The following PDE6B variants were observed in gnomAD, a reference collection of about 807,000 sequenced individuals.
PDE6B encodes phosphodiesterase 6B.
PDE6B carries 106 observed loss-of-function variants against 109.0 expected under a neutral mutation model. The ratio of observed to expected loss-of-function variants is 0.97; its 90% confidence interval spans 0.83 to 1.14. The LOEUF (loss-of-function observed/expected upper bound fraction) is 1.14. Ranked by LOEUF, PDE6B falls within the 50% of genes most tolerant of loss-of-function variation. PDE6B has a pLI of 0.00. For missense variants in PDE6B, 1,193 were observed against 1,155.6 expected (o/e 1.03, Z -0.47); for synonymous variants, 490 against 471.3 (o/e 1.04, Z -0.51).
chr4:662,100 C>T lies in PDE6B; in HGVS notation c.1615-34C>T. ...CGCTCTGGCGGGACTTACACGCTTG[C>T]CGCCGGAGCCCTGTGTCCTCTCGGC... On this transcript the variant is annotated intron_variant, in intron 12 of 21. Transcript: ENST00000496514. This position sits in a 1 kb window ranked among gnomAD's most constrained non-coding sequence, Gnocchi z 4.3. 9.3e-7 allele frequency: 1 copy of T among 1,074,160 alleles called. No homozygotes were observed. The highest frequency in any genetic ancestry group is 1.4e-6 in the Non-Finnish European group (1 of 711,174). 66.5% of individuals were successfully genotyped at this position (1,074,160 alleles called of 1,614,324 possible).
In PDE6B at chr4:662,617, A is replaced by C. The variant is rs777215608; in HGVS notation, c.1831A>C (p.Lys611Gln). ...HRGTNNLYQM[K>Q]SQNPLAKLHG... The stretch of plus-strand genomic sequence containing the variant: ...CGGCACCAACAACCTGTACCAGATG[A>C]AGTAGGCACCTCAGGGCGGGCATGT... The change falls in exon 14 of 22, where the codon AAG becomes CAG. Residue 611 changes from lysine to glutamine, a missense_variant and splice_region_variant. Physicochemically the swap from Lys to Gln is moderately conservative, Grantham distance 53. Transcript: ENST00000496514. This position sits in a 1 kb window ranked among gnomAD's most constrained non-coding sequence, Gnocchi z 4.3. The C allele has an allele frequency of 6.3e-7, 1 of 1,582,604 alleles. No individual in the cohort carries two copies.
chr4:664,220 A>C lies in PDE6B; in HGVS notation c.2128A>C (p.Met710Leu), dbSNP rs367950333. ...SLETTRKEIVMAMMMTACDLS... is the reference protein window; with the variant it reads ...SLETTRKEIVLAMMMTACDLS... Reference sequence around the variant, plus strand: ...GGAGACGACCCGGAAGGAGATCGTCATGTGAGCGCGGGCGGAGGGGGCACG... The same window carrying C: ...GGAGACGACCCGGAAGGAGATCGTCCTGTGAGCGCGGGCGGAGGGGGCACG... The change falls in exon 17 of 22, where the codon ATG becomes CTG. Residue 710 changes from methionine to leucine, a missense_variant and splice_region_variant. Met to Leu is a conservative substitution (Grantham distance 15, BLOSUM62 2). Transcript: ENST00000496514. The C allele has an allele frequency of 1.3e-6, 2 of 1,569,414 alleles. No individual in the cohort carries two copies. Among genetic ancestry groups the C allele is most frequent in the Non-Finnish European group, 1.8e-6 (2 of 1,139,758 alleles).
At chr4:649,853 G>A (rs137974280) in intron 3 of PDE6B, among the ~76,000 whole-genome samples, 1,678 of 152,300 alleles carry the variant, frequency 0.011, 18 homozygotes, top group Middle Eastern at 0.037. Flanking sequence ...CATAAGTAAT[G>A]AGAGGGCCAT....
intron 1 of PDE6B, among the ~76,000 whole-genome samples, chr4:631,893 C>T (rs1273204668): frequency 6.8e-6 from 1 of 147,522 alleles, no homozygotes. Flanking sequence ...TCTGCTATCT[C>T]AGGGTCACAT....
chr4:634,914 T>G, intron 2 of PDE6B, 85 bp downstream of exon 2: 1 of 1,207,716 alleles, frequency 8.3e-7, no homozygotes, highest in Non-Finnish European at 1.2e-6. Context: ...CGCATCCACC[T>G]CTTTACCTGC....
At position 633,278 on chromosome 4, in the gene PDE6B, C is replaced by T. The variant is rs541842369; in HGVS notation, c.469-1399C>T. On this transcript the variant is annotated intron_variant, in intron 1 of 21. Transcript: ENST00000496514. This position sits in a 1 kb window ranked among gnomAD's most constrained non-coding sequence, Gnocchi z 4.5. ...AAAGGGATGCTGGCTCCACTGCCCA[C>T]GCTGCCACCCCTGCCAGGGCTCACT... is the stretch of plus-strand genomic sequence containing the variant. 1.3e-3 allele frequency among the ~76,000 whole-genome samples: 202 copies of T among 152,306 alleles called. 1 individual carries two copies. Among genetic ancestry groups the T allele is most frequent in the Non-Finnish European group, 2.5e-3 (170 of 68,024 alleles).
chr4:664,730 C>T, intron 17 of PDE6B, 151 bp from the exon 18 acceptor site: 6 of 735,696 alleles, frequency 8.2e-6, no homozygotes, highest in South Asian at 2.8e-5. Flanking sequence ...GCACAAGAAT[C>T]GGGAGGCGGA....
In PDE6B at chr4:626,001, C is replaced by G; in HGVS notation, c.375C>G (p.Pro125=). ...PDSVLEDCLV[P]PDSEIVFPLD... ...GCGTCCTGGAGGACTGCCTGGTGCC[C>G]CCCGACTCCGAGATCGTCTTCCCAC... The change falls in exon 1 of 22, where the codon CCC becomes CCG. Residue 125 remains proline (P), a synonymous_variant. Coordinates refer to ENST00000496514, the MANE Select transcript of PDE6B (RefSeq NM_000283.4). The surrounding 1 kb of genome is among the most constrained non-coding windows in gnomAD (Gnocchi z 4.6). 1 of 1,584,186 alleles carries G rather than the reference C, an allele frequency of 6.3e-7. No homozygotes were observed. The highest frequency in any genetic ancestry group is 8.6e-7 in the Non-Finnish European group (1 of 1,165,722).
rs192481524 is a variant in PDE6B at position 650,831 on chromosome 4, G to A, written c.712-3021G>A. On this transcript the variant is annotated intron_variant, in intron 3 of 21. Transcript: ENST00000496514. ...GGGCACAGAGGAATGCCCTGAGCCC[G>A]AGCCGGCAGCGAAAATCCACCCGCC... Among the ~76,000 whole-genome samples, 26 of 152,264 alleles carry A rather than the reference G, an allele frequency of 1.7e-4. No homozygotes were observed. In the East Asian group the frequency reaches 3.1e-3, roughly 18 times the overall value.
intron 21 of PDE6B, among the ~76,000 whole-genome samples, chr4:669,243 CTCCCACTACCCCATGCTAT>C (rs1738180343): frequency 5.3e-5 from 1 of 18,828 alleles, no homozygotes; most frequent in Non-Finnish European, 1.4e-4. Context: ...CCCTATGCTG[CTCCCACTACCCCATGCTAT>C]TCCCACTACT....
In PDE6B at chr4:657,346, T is replaced by C. The variant is rs1459208654; in HGVS notation, c.1258-5T>C. ...GAGCGCCAGTGACACTGCCATCCCC[T>C]CCAGTCCCTGACACAGTTCCTGGGC... is the stretch of plus-strand genomic sequence containing the variant. On this transcript the variant is annotated splice_polypyrimidine_tract_variant and splice_region_variant and intron_variant, in intron 9 of 21. Transcript: ENST00000496514. 1.2e-6 allele frequency: 2 copies of C among 1,612,670 alleles called. No individual in the cohort carries two copies. Among genetic ancestry groups the C allele is most frequent in the Non-Finnish European group, 1.7e-6 (2 of 1,179,812 alleles).
In PDE6B at chr4:646,694, A is replaced by G. The variant is rs556978241; in HGVS notation, c.712-7158A>G. On this transcript the variant is annotated intron_variant, in intron 3 of 21. Transcript: ENST00000496514. ...CCGGCCCCCTTCCTCAGACACGCGC[A>G]GCCTCCGGCCGGGCGGCGGCGCACT... Among the ~76,000 whole-genome samples the G allele has an allele frequency of 1.3e-4, 20 of 152,020 alleles. No homozygotes were observed. The South Asian group carries it at 3.1e-3, about 24-fold the overall frequency.
rs1003875883 is a variant in PDE6B, at chr4:660,466, G to A, written c.1468-1G>A. On this transcript the variant is annotated splice_acceptor_variant, in intron 11 of 21. Transcript: ENST00000496514. LOFTEE classifies it high-confidence loss of function. The stretch of plus-strand genomic sequence containing the variant: ...CCCTCAGCCCACAATCCCTCCCACA[G>A]AAGGAGGAGCTGCCAGGGCCCACCA... The A allele has an allele frequency of 6.2e-7, 1 of 1,613,684 alleles. No individual in the cohort carries two copies. The highest frequency in any genetic ancestry group is 1.3e-5 in the African/African-American group (1 of 74,938).
At chr4:656,831 C>T (rs756199178) in intron 8 of PDE6B, 43 bp from the exon 9 acceptor site, 5 of 1,607,820 alleles carry the variant, frequency 3.1e-6, no homozygotes, top group South Asian at 1.1e-5. Flanking sequence ...CGGGCCAGGG[C>T]CAGCCTCAGG....
chr4:643,267 C>A (rs931441056), intron 3 of PDE6B, among the ~76,000 whole-genome samples: 2 of 151,852 alleles, frequency 1.3e-5, no homozygotes, highest in Admixed American at 6.6e-5. Flanking sequence ...AAGATCATGC[C>A]ACTGCACTCC....
intron 2 of PDE6B, among the ~76,000 whole-genome samples, chr4:635,152 T>C (rs1577245769): frequency 8.0e-6 from 1 of 124,356 alleles, no homozygotes; most frequent in Admixed American, 7.9e-5. Context: ...CTTACCTGCC[T>C]GCCCGCGTGT....
chr4:665,794 G>A lies in PDE6B; in HGVS notation c.2268+465G>A, dbSNP rs1024675252. Among the ~76,000 whole-genome samples, 1 of 152,220 alleles carries A rather than the reference G, an allele frequency of 6.6e-6. No individual in the cohort carries two copies. Among genetic ancestry groups the A allele is most frequent in the Non-Finnish European group, 1.5e-5 (1 of 68,040 alleles). On this transcript the variant is annotated intron_variant, in intron 19 of 21. Coordinates refer to ENST00000496514, the MANE Select transcript of PDE6B (RefSeq NM_000283.4). This position sits in a 1 kb window ranked among gnomAD's most constrained non-coding sequence, Gnocchi z 4.0. ...AGGAGAGGTGCCAGCAAATGGGAGA[G>A]TCAGGATAGGCGCCAGGAACAGGAG... is the stretch of plus-strand genomic sequence containing the variant.
chr4:645,571 A>C (rs926520178), intron 3 of PDE6B, among the ~76,000 whole-genome samples: 1 of 151,950 alleles, frequency 6.6e-6, no homozygotes, highest in Non-Finnish European at 1.5e-5. Flanking sequence ...CTGGGATTAC[A>C]GGCGTGAGCC....
rs1736041585 is a variant in PDE6B at position 654,987 on chromosome 4, G to A, written c.992+99G>A. 4.9e-6 allele frequency: 4 copies of A among 809,972 alleles called. No homozygotes were observed. In the Admixed American group the frequency reaches 7.1e-5, roughly 14 times the overall value. 50.2% of individuals were successfully genotyped at this position (809,972 alleles called of 1,614,324 possible). Reference sequence around the variant, plus strand: ...CCGTCCTCCCAGGGCTTCCCACGGTGCAGTCAGCAGCACCGGCCTGGCCTG... The same window carrying A: ...CCGTCCTCCCAGGGCTTCCCACGGTACAGTCAGCAGCACCGGCCTGGCCTG... On this transcript the variant is annotated intron_variant, in intron 6 of 21. Transcript: ENST00000496514.
Sources: gnomAD v4.1 joint callset for allele counts (sites outside exome capture counted in the v4.1 genomes callset) on GRCh38, gnomAD v4.1.1 for gene constraint, Gnocchi (gnomAD v3.1) non-coding constraint, MANE v1.5 for transcripts, NCBI Gene and HGNC (gene_info 2026-07-23, HGNC 2026-07-21) for gene names.